EDIL3: variants seen among roughly 807,000 people sequenced by gnomAD.
The protein encoded by EDIL3 is EGF like and discoidin domains 3.
A neutral mutation model predicts 67.4 loss-of-function variants in EDIL3; 37 were observed. The ratio of observed to expected loss-of-function variants is 0.55; its 90% confidence interval spans 0.42 to 0.72. The LOEUF (loss-of-function observed/expected upper bound fraction) is 0.72, where lower values mean the gene tolerates loss of function less well. Ranked by LOEUF, EDIL3 falls within the 30% of genes least tolerant of loss-of-function variation. The pLI, the probability that EDIL3 is intolerant of heterozygous loss-of-function variation, is 0.00. For missense variants in EDIL3, 527 were observed against 586.3 expected, an observed-to-expected ratio of 0.90 and a Z score of 1.04; for synonymous variants, 195 against 196.3, an observed-to-expected ratio of 0.99 and a Z score of 0.05.
chr5:84,232,524 G>A (rs993069600), intron 2 of EDIL3, among the ~76,000 whole-genome samples: 2 of 152,302 alleles, frequency 1.3e-5, no homozygotes, highest in East Asian at 3.9e-4. Flanking sequence ...AAGAGTCATA[G>A]TAATCAGAAC....
intron 4 of EDIL3, among the ~76,000 whole-genome samples, chr5:84,171,320 C>T (rs1748807637): frequency 6.6e-6 from 1 of 152,092 alleles, no homozygotes. Flanking sequence ...ACAAAAATCA[C>T]AAACTTTGTG....
At chr5:84,165,182 T>C (rs1187905453) in intron 4 of EDIL3, among the ~76,000 whole-genome samples, 2 of 152,158 alleles carry the variant, frequency 1.3e-5, no homozygotes, top group East Asian at 3.9e-4. Flanking sequence ...AAATAAAGCA[T>C]ACAGCTAGAC....
At chr5:84,219,172 C>T (rs1015260569) in intron 3 of EDIL3, among the ~76,000 whole-genome samples, 9 of 152,056 alleles carry the variant, frequency 5.9e-5, no homozygotes, top group East Asian at 1.9e-4. Context: ...AGAGAGACTG[C>T]GTTTGTTTGG....
intron 1 of EDIL3, among the ~76,000 whole-genome samples, chr5:84,315,948 C>T (rs886505143): frequency 3.9e-5 from 6 of 152,044 alleles, no homozygotes; most frequent in African/African-American, 1.2e-4. Context: ...AGAGTGGGGG[C>T]CAATATTCAA....
At chr5:84,047,010 T>A (rs1321751189) in intron 9 of EDIL3, among the ~76,000 whole-genome samples, 1 of 152,226 alleles carries the variant, frequency 6.6e-6, no homozygotes, top group Non-Finnish European at 1.5e-5. Context: ...TAATACTGAA[T>A]ATGTCTTTCA....
intron 1 of EDIL3, among the ~76,000 whole-genome samples, chr5:84,323,566 A>G (rs1465360757): frequency 5.3e-5 from 8 of 151,944 alleles, no homozygotes; most frequent in Non-Finnish European, 1.2e-4. Context: ...ATCCCTCTTT[A>G]TCAGTAACCA....
chr5:84,246,841 C>T (rs1561233803), intron 2 of EDIL3, among the ~76,000 whole-genome samples: 1 of 152,126 alleles, frequency 6.6e-6, no homozygotes, highest in Non-Finnish European at 1.5e-5. Context: ...AATATTTTTA[C>T]ATCAATAAGC....
At chr5:84,337,756 A>G (rs2112173283) in intron 1 of EDIL3, among the ~76,000 whole-genome samples, 1 of 152,268 alleles carries the variant, frequency 6.6e-6, no homozygotes, top group African/African-American at 2.4e-5. Context: ...TAATGAGAAA[A>G]GTGATTTCTT....
intron 1 of EDIL3, among the ~76,000 whole-genome samples, chr5:84,347,392 C>T (rs1032699387): frequency 7.9e-5 from 12 of 152,118 alleles, no homozygotes; most frequent in African/African-American, 2.9e-4. Context: ...TTGAGAATAC[C>T]TAATTAACAT....
At chr5:84,187,753 TAAAG>T (rs372312325) in intron 3 of EDIL3, among the ~76,000 whole-genome samples, 1 of 152,070 alleles carries the variant, frequency 6.6e-6, no homozygotes, top group African/African-American at 2.4e-5. Flanking sequence ...AAACCAGTTG[TAAAG>T]AAAGAAATTA....
At chr5:84,310,772 C>A (rs2112142034) in intron 1 of EDIL3, among the ~76,000 whole-genome samples, 1 of 152,268 alleles carries the variant, frequency 6.6e-6, no homozygotes, top group East Asian at 1.9e-4. Context: ...GTACACAAGT[C>A]ACGCGTATGG....
intron 9 of EDIL3, among the ~76,000 whole-genome samples, chr5:84,013,562 A>T: frequency 6.6e-6 from 1 of 152,176 alleles, no homozygotes; most frequent in Non-Finnish European, 1.5e-5. Flanking sequence ...AATATGAGAT[A>T]TGCACATCAT....
chr5:84,131,570 C>T (rs1412005664), intron 5 of EDIL3, among the ~76,000 whole-genome samples: 18 of 152,102 alleles, frequency 1.2e-4, no homozygotes, highest in Admixed American at 1.2e-3. Flanking sequence ...CTAGCCAGGC[C>T]AACCTATGCA....
intron 1 of EDIL3, among the ~76,000 whole-genome samples, chr5:84,339,756 A>G (rs1348127712): frequency 6.6e-6 from 1 of 152,138 alleles, no homozygotes; most frequent in Admixed American, 6.6e-5. Context: ...TAATACATGT[A>G]TAAGTAGAGG....
chr5:84,019,707 G>C (rs1745676394), intron 9 of EDIL3, among the ~76,000 whole-genome samples: 1 of 151,984 alleles, frequency 6.6e-6, no homozygotes, highest in African/African-American at 2.4e-5. Context: ...AATGACACAG[G>C]TTATTTAACA....
At chr5:84,064,188 A>G (rs1746592119) in intron 8 of EDIL3, among the ~76,000 whole-genome samples, 2 of 152,170 alleles carry the variant, frequency 1.3e-5, no homozygotes, top group South Asian at 4.1e-4. Flanking sequence ...TTGGTATTGA[A>G]GTATTGAGGA....
intron 4 of EDIL3, among the ~76,000 whole-genome samples, chr5:84,165,630 C>T (rs1055706643): frequency 2.0e-5 from 3 of 152,082 alleles, no homozygotes; most frequent in African/African-American, 7.2e-5. Context: ...AAACAGTGTG[C>T]TCACTGTAAA....
chr5:84,247,513 A>T (rs1376918008), intron 2 of EDIL3, among the ~76,000 whole-genome samples: 2 of 152,132 alleles, frequency 1.3e-5, no homozygotes, highest in Non-Finnish European at 2.9e-5. Context: ...CTAGTTTTTT[A>T]AAAAATGTGT....
rs145841247 is a variant in EDIL3 at position 83,961,390 on chromosome 5, A to C, written c.1293+1815T>G. Among the ~76,000 whole-genome samples the C allele has an allele frequency of 1.6e-4, 24 of 151,368 alleles. 1 individual carries two copies. The highest frequency in any genetic ancestry group is 3.4e-3 in the Middle Eastern group (1 of 294). ...GACACAAAAATTTTATGTAAGTTTC[A>C]GATTGAGATAATGAAATAAAACACA... On this transcript the variant is annotated intron_variant, in intron 10 of 10. Coordinates refer to ENST00000296591, the MANE Select transcript of EDIL3 (RefSeq NM_005711.5).
Sources: gnomAD v4.1 joint callset for allele counts (sites outside exome capture counted in the v4.1 genomes callset) on GRCh38, gnomAD v4.1.1 for gene constraint, MANE v1.5 for transcripts, NCBI Gene and HGNC (gene_info 2026-07-23, HGNC 2026-07-21) for gene names.